METTL16: variants seen among roughly 807,000 people sequenced by gnomAD.
The protein encoded by METTL16 is methyltransferase 16, RNA N6-adenosine, also known as RNA N(6)-adenosine-methyltransferase METTL16.
METTL16 carries 19 observed loss-of-function variants against 57.9 expected under a neutral mutation model. The ratio of observed to expected loss-of-function variants is 0.33; its 90% CI spans 0.23 to 0.48. The LOEUF (loss-of-function observed/expected upper bound fraction) is 0.48, where lower values mean the gene tolerates loss of function less well. METTL16 is among the 20% of genes least tolerant of loss of function. The pLI, the probability that METTL16 is intolerant of heterozygous loss-of-function variation, is 0.99. For synonymous variants in METTL16, 246 were observed against 255.6 expected, an observed-to-expected ratio of 0.96 and a Z score of 0.36; for missense variants, 434 against 691.5, an observed-to-expected ratio of 0.63 and a Z score of 4.18.
At position 2,444,440 on chromosome 17, in the gene METTL16, ACT is replaced by A. The variant is rs201066638; in HGVS notation, c.729-2883_729-2882del. Among the ~76,000 whole-genome samples, 1,152 of 152,250 alleles carry A rather than the reference ACT, an allele frequency of 7.6e-3. 13 individuals carry two copies. The highest frequency in any genetic ancestry group is 0.025 in the African/African-American group (1,054 of 41,532). ...ACTCCAGCCTGGGCTACAGAGCGAG[ACT>A]CTGTCTCAAAATAAAATAAAGTAAA... is the stretch of plus-strand genomic sequence containing the variant. On this transcript the variant is annotated intron_variant, in intron 6 of 9. Coordinates refer to ENST00000263092, the MANE Select transcript of METTL16 (RefSeq NM_024086.4).
At chr17:2,510,715 T>A (rs1269848964) in intron 1 of METTL16, among the ~76,000 whole-genome samples, 1 of 151,952 alleles carries the variant, frequency 6.6e-6, no homozygotes, top group Non-Finnish European at 1.5e-5. Flanking sequence ...TTGCCCAGAG[T>A]GCAATGATGG....
At position 2,428,587 on chromosome 17, in the gene METTL16, ATATATATATATATAT is replaced by A. The variant is rs1567881618; in HGVS notation, c.889-7698_889-7684del. On this transcript the variant is annotated intron_variant, in intron 8 of 9. Coordinates refer to ENST00000263092, the MANE Select transcript of METTL16 (RefSeq NM_024086.4). The stretch of plus-strand genomic sequence containing the variant: ...AAAATATATATATATATATATATAT[ATATATATATATATAT>A]AAATTGTAATACAGCGGGGCACAGT... 2.3e-4 allele frequency among the ~76,000 whole-genome samples: 11 copies of A among 48,354 alleles called. 1 individual carries two copies. The highest frequency in any genetic ancestry group is 1.0e-3 in the African/African-American group (11 of 10,838). 31.7% of individuals were successfully genotyped at this position (48,354 alleles called of 152,430 possible).
rs2066745738 is a variant in METTL16, at chr17:2,419,731, C to T, written c.*239G>A. Reference sequence around the variant, plus strand: ...CAATCCCTCGGGAGTTTACTGAGGGCTTTCTGTTGTTACTGATGACCACAA... The same window carrying T: ...CAATCCCTCGGGAGTTTACTGAGGGTTTTCTGTTGTTACTGATGACCACAA... On this transcript the variant is annotated 3_prime_UTR_variant, in exon 10 of 10. Transcript: ENST00000263092. 1.5e-6 allele frequency: 1 copy of T among 678,674 alleles called. No homozygotes were observed. 42.0% of individuals were successfully genotyped at this position (678,674 alleles called of 1,614,324 possible).
At chr17:2,438,027 A>G in intron 8 of METTL16, 82 bp downstream of exon 8, 1 of 999,562 alleles carries the variant, frequency 1.0e-6, no homozygotes, top group East Asian at 2.4e-5. Context: ...TAAACAGGAC[A>G]CTACCAATTC....
intron 2 of METTL16, among the ~76,000 whole-genome samples, chr17:2,481,506 A>G (rs1432118003): frequency 1.3e-5 from 2 of 152,186 alleles, no homozygotes; most frequent in Admixed American, 6.5e-5. Context: ...AAAATTCAGG[A>G]AGGAGAGAGT....
At chr17:2,482,997 T>C (rs1348018743) in intron 2 of METTL16, among the ~76,000 whole-genome samples, 1 of 149,352 alleles carries the variant, frequency 6.7e-6, no homozygotes, top group Non-Finnish European at 1.5e-5. Flanking sequence ...AAAGGAAAGG[T>C]AGGTGAAAAT....
At chr17:2,500,429 C>T (rs553629062) in intron 2 of METTL16, among the ~76,000 whole-genome samples, 3 of 152,204 alleles carry the variant, frequency 2.0e-5, no homozygotes, top group South Asian at 2.1e-4. Context: ...TACAGGCTTG[C>T]GCCACCACAC....
At chr17:2,468,927 GT>G (rs914511793) in intron 4 of METTL16, among the ~76,000 whole-genome samples, 2 of 130,080 alleles carry the variant, frequency 1.5e-5, no homozygotes, top group Non-Finnish European at 3.3e-5. Context: ...GTGTGTGTGT[GT>G]TTTTTTTTTC....
chr17:2,448,533 T>C (rs2067034154), intron 6 of METTL16, among the ~76,000 whole-genome samples: 1 of 66,242 alleles, frequency 1.5e-5, no homozygotes, highest in Non-Finnish European at 2.7e-5. Flanking sequence ...GTTAAACAGA[T>C]GCTTGAAGGC....
At chr17:2,471,105 A>G (rs779281279) in intron 4 of METTL16, among the ~76,000 whole-genome samples, 1 of 152,224 alleles carries the variant, frequency 6.6e-6, no homozygotes, top group Non-Finnish European at 1.5e-5. Flanking sequence ...GAATCTAGAC[A>G]AAGACCTTAT....
At chr17:2,438,736 C>T (rs1319585874) in intron 7 of METTL16, among the ~76,000 whole-genome samples, 5 of 152,302 alleles carry the variant, frequency 3.3e-5, no homozygotes, top group South Asian at 2.1e-4. Context: ...TCAGGCGATC[C>T]GCCCACCTCG....
chr17:2,449,234 G>A (rs1417307686), intron 6 of METTL16, among the ~76,000 whole-genome samples: 10 of 152,106 alleles, frequency 6.6e-5, no homozygotes, highest in Admixed American at 6.5e-4. Flanking sequence ...GGTTGGAATG[G>A]AAGACTCATT....
chr17:2,467,602 A>G (rs1458367338), intron 5 of METTL16, among the ~76,000 whole-genome samples, 159 bp downstream of exon 5: 1 of 151,982 alleles, frequency 6.6e-6, no homozygotes, highest in South Asian at 2.1e-4. Context: ...ATTTTTTTGT[A>G]TCTTTAGTAG....
chr17:2,471,679 C>T (rs1162240185), intron 4 of METTL16, among the ~76,000 whole-genome samples: 1 of 152,050 alleles, frequency 6.6e-6, no homozygotes, highest in Non-Finnish European at 1.5e-5. Context: ...GTCCCAGCTA[C>T]TCGGGAGGTG....
At chr17:2,492,166 G>C (rs187250178) in intron 2 of METTL16, among the ~76,000 whole-genome samples, 40 of 152,112 alleles carry the variant, frequency 2.6e-4, no homozygotes, top group South Asian at 1.0e-3. Flanking sequence ...AGCCGAGATT[G>C]CGCCACTGCA....
intron 8 of METTL16, among the ~76,000 whole-genome samples, chr17:2,427,400 G>T (rs558156198): frequency 6.6e-6 from 1 of 152,308 alleles, no homozygotes; most frequent in South Asian, 2.1e-4. Context: ...CTGACTCCAT[G>T]CAGAAAATTC....
At chr17:2,438,302 G>T in intron 7 of METTL16, 104 bp from the exon 8 acceptor site, 1 of 810,698 alleles carries the variant, frequency 1.2e-6, no homozygotes, top group Non-Finnish European at 2.2e-6. Flanking sequence ...TTTTTAATCA[G>T]TTAACAAACA....
intron 6 of METTL16, among the ~76,000 whole-genome samples, chr17:2,455,418 CA>C (rs1475388145): frequency 6.6e-6 from 1 of 152,070 alleles, no homozygotes; most frequent in Non-Finnish European, 1.5e-5. Context: ...TAGATGAACT[CA>C]AAATACATGC....
At chr17:2,482,507 C>A (rs2067314558) in intron 2 of METTL16, among the ~76,000 whole-genome samples, 1 of 151,710 alleles carries the variant, frequency 6.6e-6, no homozygotes. Context: ...AAATTCGGGA[C>A]AGGAAACAGG....
Sources: allele counts gnomAD v4.1 joint callset (sites outside exome capture counted in the v4.1 genomes callset), GRCh38; gene constraint gnomAD v4.1.1; transcripts MANE v1.5; gene names NCBI Gene and HGNC (gene_info 2026-07-23, HGNC 2026-07-21).